The following CCDC187 variants were observed in gnomAD, a reference collection of about 807,000 sequenced individuals.
CCDC187 encodes the protein coiled-coil domain containing 187, also known as coiled-coil domain-containing protein 187.
CCDC187 carries 32 observed loss-of-function variants against 38.0 expected under a neutral mutation model. The ratio of observed to expected loss-of-function variants is 0.84; its 90% CI spans 0.64 to 1.13. The LOEUF is 1.13. CCDC187 is among the 50% of genes most tolerant of loss of function. The pLI is 0.00. For missense variants in CCDC187, 707 were observed against 786.8 expected, an observed-to-expected ratio of 0.90 and a Z score of 1.21; for synonymous variants, 333 against 347.9, an observed-to-expected ratio of 0.96 and a Z score of 0.48.
In CCDC187 at chr9:136,264,633, C is replaced by T. The variant is rs1554761409; in HGVS notation, c.3736-835G>A. Among the ~76,000 whole-genome samples the T allele has an allele frequency of 1.3e-5, 2 of 152,156 alleles. No homozygotes were observed. The highest frequency in any genetic ancestry group is 2.4e-5 in the African/African-American group (1 of 41,438). On this transcript the variant is annotated intron_variant, in intron 17 of 25. Coordinates refer to ENST00000638797, the MANE Select transcript of CCDC187 (RefSeq NM_001378188.1). The surrounding 1 kb of genome is among the most constrained non-coding windows in gnomAD (Gnocchi z 4.3). ...ATGCCCCATGCCTGACACCCCAGGT[C>T]GTAGTATGTACAGGGCATCCAGGGC...
intron 9 of CCDC187, among the ~76,000 whole-genome samples, chr9:136,282,664 G>C (rs1414881637): frequency 6.6e-6 from 1 of 152,308 alleles, no homozygotes; most frequent in East Asian, 1.9e-4. Flanking sequence ...GGGTAGACAC[G>C]CCCTCCCTCA....
At chr9:136,260,415 A>G (rs1830666477) in intron 19 of CCDC187, among the ~76,000 whole-genome samples, 151 bp from the exon 20 acceptor site, 1 of 150,404 alleles carries the variant, frequency 6.6e-6, no homozygotes, top group South Asian at 2.1e-4. Flanking sequence ...CAAGCAGAAG[A>G]CGGGACTGTG....
intron 4 of CCDC187, among the ~76,000 whole-genome samples, chr9:136,293,817 C>G (rs1220146829): frequency 6.6e-6 from 1 of 151,140 alleles, no homozygotes; most frequent in Non-Finnish European, 1.5e-5. Context: ...CACACATGCT[C>G]TCACACTCAC....
chr9:136,283,671 G>A (rs915527617), intron 9 of CCDC187, among the ~76,000 whole-genome samples: 2 of 152,216 alleles, frequency 1.3e-5, no homozygotes, highest in East Asian at 1.9e-4. Context: ...AGCCCTGGCC[G>A]CACCTCTGCC....
intron 7 of CCDC187, 52 bp downstream of exon 7, chr9:136,289,907 C>CT (rs1320322210): frequency 4.1e-6 from 1 of 245,352 alleles, no homozygotes; most frequent in Non-Finnish European, 6.5e-6. Flanking sequence ...CTGTTCTTGG[C>CT]CCCCCCCAAG....
At chr9:136,255,958 G>A (rs897935328) in intron 24 of CCDC187, among the ~76,000 whole-genome samples, 2 of 152,280 alleles carry the variant, frequency 1.3e-5, no homozygotes, top group East Asian at 3.9e-4. Context: ...GTGGCAGAGA[G>A]GGGGGTGGGG....
In CCDC187 at chr9:136,252,285, T is replaced by A. The variant is rs183467324; in HGVS notation, c.*1309A>T. On this transcript the variant is annotated 3_prime_UTR_variant, in exon 26 of 26. Transcript: ENST00000638797. ...CGTCCTGCGGAGCCGGCCGCCCACCTGGTCCACCCTGGGAAGAGCCGGCCG... is the reference window on the plus strand; with the variant it reads ...CGTCCTGCGGAGCCGGCCGCCCACCAGGTCCACCCTGGGAAGAGCCGGCCG... The A allele has an allele frequency of 1.7e-5, 1 of 59,620 alleles. No individual in the cohort carries two copies. The highest frequency in any genetic ancestry group is 3.2e-5 in the Non-Finnish European group (1 of 31,278). The allele number at this position is 59,620 out of a possible 1,614,324, so 3.7% of individuals were successfully genotyped here.
chr9:136,271,700 T>C (rs1329187290), intron 14 of CCDC187, among the ~76,000 whole-genome samples: 13 of 145,362 alleles, frequency 8.9e-5, no homozygotes, highest in Non-Finnish European at 2.0e-4. Flanking sequence ...CTCCGCCTCC[T>C]GGGTTCACGC....
At position 136,302,985 on chromosome 9, in the gene CCDC187, C is replaced by T. The variant is rs1055247595; in HGVS notation, c.452G>A (p.Arg151Gln). The change falls in exon 2 of 26, where the codon CGG becomes CAG. Residue 151 changes from arginine to glutamine, a missense_variant. Physicochemically the swap from Arg to Gln is conservative, Grantham distance 43. Coordinates refer to ENST00000638797, the MANE Select transcript of CCDC187 (RefSeq NM_001378188.1). ...PQQRPRKSDA[R>Q]LEQLRDKIRA... Reference sequence around the variant, plus strand: ...GATCTTGTCTCTCAGCTGCTCCAGCCGCGCGTCACTCTTTCTGGGCCTCTG... The same window carrying T: ...GATCTTGTCTCTCAGCTGCTCCAGCTGCGCGTCACTCTTTCTGGGCCTCTG... 3.1e-4 allele frequency: 125 copies of T among 398,758 alleles called. No individual in the cohort carries two copies. The highest frequency in any genetic ancestry group is 1.8e-3 in the African/African-American group (87 of 48,758). 24.7% of individuals were successfully genotyped at this position (398,758 alleles called of 1,614,324 possible).
rs2131120592 is a variant in CCDC187, at chr9:136,258,256, A to T, written c.4366+676T>A. 6.6e-6 allele frequency among the ~76,000 whole-genome samples: 1 copy of T among 152,194 alleles called. No individual in the cohort carries two copies. ...AGTGCTTCTGATCTCTTTCCGTCTCAACCCATCTGTCCTGAGGTTTGCTCT... is the reference window on the plus strand; with the variant it reads ...AGTGCTTCTGATCTCTTTCCGTCTCTACCCATCTGTCCTGAGGTTTGCTCT... On this transcript the variant is annotated intron_variant, in intron 22 of 25. Transcript: ENST00000638797. This position sits in a 1 kb window ranked among gnomAD's most constrained non-coding sequence, Gnocchi z 4.3.
At chr9:136,293,328 C>A (rs925612240) in intron 4 of CCDC187, among the ~76,000 whole-genome samples, 1 of 150,512 alleles carries the variant, frequency 6.6e-6, no homozygotes, top group Non-Finnish European at 1.5e-5. Flanking sequence ...CACTCACATG[C>A]TTACACACTC....
intron 19 of CCDC187, among the ~76,000 whole-genome samples, chr9:136,260,587 C>A (rs1830667820): frequency 1.3e-5 from 2 of 151,774 alleles, no homozygotes; most frequent in South Asian, 2.1e-4. Context: ...CCAGGCACCC[C>A]CCCATCTGAC....
At position 136,255,656 on chromosome 9, in the gene CCDC187, C is replaced by A; in HGVS notation, c.4693+1G>T. ...GGAGGGGCTGGGGGCTGGGGCATTA[C>A]CTGGGGAGGCAGCGGCCTGGGCAGC... On this transcript the variant is annotated splice_donor_variant, in intron 25 of 25. Coordinates refer to ENST00000638797, the MANE Select transcript of CCDC187 (RefSeq NM_001378188.1). LOFTEE classifies it high-confidence loss of function. 1.0e-6 allele frequency: 1 copy of A among 985,248 alleles called. No homozygotes were observed. Among genetic ancestry groups the A allele is most frequent in the Non-Finnish European group, 1.2e-6 (1 of 829,766 alleles). 61.0% of individuals were successfully genotyped at this position (985,248 alleles called of 1,614,324 possible). A position where few individuals can be genotyped will look rare whatever the true frequency, so the allele number is the denominator to read the frequency against.
At chr9:136,283,874 G>C (rs1022553584) in intron 9 of CCDC187, among the ~76,000 whole-genome samples, 4 of 152,186 alleles carry the variant, frequency 2.6e-5, no homozygotes, top group African/African-American at 9.6e-5. Context: ...CATTGCAGGC[G>C]ACAGAGGCGA....
chr9:136,268,768 A>G (rs1830791635), intron 14 of CCDC187, among the ~76,000 whole-genome samples: 1 of 152,250 alleles, frequency 6.6e-6, no homozygotes, highest in Admixed American at 6.5e-5. Context: ...CACATATGAA[A>G]TAACAGTTTT....
intron 9 of CCDC187, among the ~76,000 whole-genome samples, chr9:136,281,971 C>T (rs1306695934): frequency 3.9e-5 from 6 of 152,174 alleles, no homozygotes; most frequent in Admixed American, 6.5e-5. Context: ...ATCTGGGAAG[C>T]GTTGGCGCCA....
upstream of CCDC187, among the ~76,000 whole-genome samples, chr9:136,305,297 G>T (rs1253652458): frequency 6.6e-6 from 1 of 152,234 alleles, no homozygotes; most frequent in Non-Finnish European, 1.5e-5. Context: ...ACATGTCTGG[G>T]ATGTTACAGG....
intron 18 of CCDC187, 114 bp downstream of exon 18, chr9:136,263,508 A>G (rs926835118): frequency 1.3e-6 from 1 of 746,812 alleles, no homozygotes; most frequent in African/African-American, 1.9e-5. Flanking sequence ...TGCTGGGATT[A>G]CAGGCGTGAG....
At chr9:136,279,165 G>C (rs1033473923) in intron 10 of CCDC187, among the ~76,000 whole-genome samples, 44 of 150,856 alleles carry the variant, frequency 2.9e-4, no homozygotes, top group Non-Finnish European at 4.6e-4. Flanking sequence ...TCTGGTCTAG[G>C]TGTTTAAATC....
Sources: allele counts gnomAD v4.1 joint callset (sites outside exome capture counted in the v4.1 genomes callset), GRCh38; gene constraint gnomAD v4.1.1; non-coding constraint Gnocchi (gnomAD v3.1); transcripts MANE v1.5; gene names NCBI Gene and HGNC (gene_info 2026-07-23, HGNC 2026-07-21).